The following STPG4 variants were observed in gnomAD, a reference collection of about 807,000 sequenced individuals.
STPG4 encodes sperm-tail PG-rich repeat containing 4.
A neutral mutation model predicts 31.5 loss-of-function variants in STPG4; 41 were observed. That is an observed-to-expected ratio of 1.30 (90% CI 1.01 to 1.69). The LOEUF is 1.69. Ranked by LOEUF, STPG4 falls within the 40% of genes most tolerant of loss-of-function variation. The probability of loss-of-function intolerance (pLI) is 0.00; values close to 1 mark genes in which losing one functional copy is unlikely to be tolerated. For missense variants in STPG4, 375 were observed against 293.4 expected, an observed-to-expected ratio of 1.28 and a Z score of -2.03; for synonymous variants, 141 against 103.0, an observed-to-expected ratio of 1.37 and a Z score of -2.24.
chr2:47,107,139 C>T (rs1024726003), intron 5 of STPG4, among the ~76,000 whole-genome samples: 2 of 152,180 alleles, frequency 1.3e-5, no homozygotes, highest in South Asian at 2.1e-4. Context: ...AGCTCTCTCT[C>T]GCTTTCAGCA....
chr2:47,142,717 A>C (rs1279935123), intron 3 of STPG4, among the ~76,000 whole-genome samples: 1 of 151,634 alleles, frequency 6.6e-6, no homozygotes, highest in African/African-American at 2.4e-5. Context: ...ATATATGTAC[A>C]TTTGTTTTCA....
At chr2:47,130,785 G>T (rs182959538) in intron 3 of STPG4, among the ~76,000 whole-genome samples, 1 of 152,068 alleles carries the variant, frequency 6.6e-6, no homozygotes, top group Non-Finnish European at 1.5e-5. Context: ...AAAGTACTGG[G>T]ATTACAGGCA....
chr2:47,150,847 T>G (rs1383634790), intron 3 of STPG4, among the ~76,000 whole-genome samples: 1 of 152,086 alleles, frequency 6.6e-6, no homozygotes, highest in Non-Finnish European at 1.5e-5. Context: ...AAAGCTTCCC[T>G]GTGGTATGTA....
intron 3 of STPG4, among the ~76,000 whole-genome samples, chr2:47,137,877 A>T (rs1047693851): frequency 1.3e-5 from 2 of 152,020 alleles, no homozygotes; most frequent in South Asian, 4.1e-4. Context: ...TTTCTTAGTT[A>T]GCCTAGATAG....
chr2:47,146,800 A>C (rs1443808281), intron 3 of STPG4, among the ~76,000 whole-genome samples: 1 of 151,968 alleles, frequency 6.6e-6, no homozygotes, highest in Non-Finnish European at 1.5e-5. Context: ...CTGAGAAGAA[A>C]AACCAAAAAT....
rs568027342 is a variant in STPG4, at chr2:47,151,089, T to C, written c.399+169A>G. ...AAGATGTTATAGGGAAAAATCTTACTGGAAACATTTGCAAATCAGGCAGTC... is the reference window on the plus strand; with the variant it reads ...AAGATGTTATAGGGAAAAATCTTACCGGAAACATTTGCAAATCAGGCAGTC... On this transcript the variant is annotated intron_variant, in intron 3 of 6. Coordinates refer to ENST00000445927, the MANE Select transcript of STPG4 (RefSeq NM_001163561.2). Among the ~76,000 whole-genome samples, 11 of 152,290 alleles carry C rather than the reference T, an allele frequency of 7.2e-5. No individual in the cohort carries two copies. The East Asian group carries it at 1.5e-3, about 21-fold the overall frequency.
intron 1 of STPG4, among the ~76,000 whole-genome samples, chr2:47,154,600 G>A (rs1686992908): frequency 6.6e-6 from 1 of 152,228 alleles, no homozygotes; most frequent in Admixed American, 6.5e-5. Flanking sequence ...CCATGGCGGT[G>A]CATGCCTGTA....
chr2:47,119,295 C>G (rs1055710292), intron 5 of STPG4, among the ~76,000 whole-genome samples: 1 of 152,136 alleles, frequency 6.6e-6, no homozygotes, highest in African/African-American at 2.4e-5. Context: ...TTTCAAAGGA[C>G]AGGATGTTCC....
chr2:47,101,467 G>C (rs770175241), intron 5 of STPG4, among the ~76,000 whole-genome samples: 2 of 151,608 alleles, frequency 1.3e-5, no homozygotes, highest in Admixed American at 1.3e-4. Context: ...TTGCCCCCTG[G>C]GTCCTAAGGC....
At chr2:47,121,356 C>T (rs1190513971) in intron 5 of STPG4, among the ~76,000 whole-genome samples, 1 of 152,124 alleles carries the variant, frequency 6.6e-6, no homozygotes, top group African/African-American at 2.4e-5. Flanking sequence ...AAGTGAACTT[C>T]TACACACTGA....
intron 5 of STPG4, among the ~76,000 whole-genome samples, chr2:47,119,073 C>T (rs868200132): frequency 1.3e-5 from 2 of 152,206 alleles, no homozygotes; most frequent in Non-Finnish European, 2.9e-5. Flanking sequence ...GTTCTCTCAG[C>T]AAACATTGCT....
At chr2:47,125,599 C>T (rs113665915) in intron 5 of STPG4, among the ~76,000 whole-genome samples, 24,511 of 152,130 alleles carry the variant, frequency 0.16, 2,432 homozygotes, top group African/African-American at 0.27. Context: ...ATCCCATTTA[C>T]ACATTTTTGC....
At chr2:47,130,143 G>C in intron 4 of STPG4, 53 bp downstream of exon 4, 2 of 1,529,256 alleles carry the variant, frequency 1.3e-6, no homozygotes, top group Non-Finnish European at 1.8e-6. Context: ...CAGGAGTATT[G>C]GCGTGTAGGT....
At chr2:47,129,659 G>T in intron 5 of STPG4, 1 of 314,178 alleles carries the variant, frequency 3.2e-6, no homozygotes, top group Non-Finnish European at 5.8e-6. Flanking sequence ...CCAGGGGATG[G>T]GGGAGGGTAG....
intron 5 of STPG4, among the ~76,000 whole-genome samples, chr2:47,112,531 C>A (rs1686059886): frequency 6.6e-6 from 1 of 152,098 alleles, no homozygotes; most frequent in South Asian, 2.1e-4. Flanking sequence ...TTTCACTGAT[C>A]ATGTTAAGAA....
chr2:47,088,177 T>G (rs908732499), intron 6 of STPG4, among the ~76,000 whole-genome samples: 1 of 152,122 alleles, frequency 6.6e-6, no homozygotes, highest in Non-Finnish European at 1.5e-5. Flanking sequence ...CCTCCTGGGC[T>G]TAAGCGATTC....
intron 5 of STPG4, among the ~76,000 whole-genome samples, chr2:47,111,489 G>A (rs893785810): frequency 2.6e-5 from 4 of 152,154 alleles, no homozygotes; most frequent in Admixed American, 1.3e-4. Context: ...AACTACAAAT[G>A]AAAGTTTTGC....
At chr2:47,146,393 C>G (rs997107466) in intron 3 of STPG4, among the ~76,000 whole-genome samples, 2 of 152,036 alleles carry the variant, frequency 1.3e-5, no homozygotes, top group Admixed American at 1.3e-4. Context: ...TCAGCAGTGC[C>G]AAGCTTGACA....
chr2:47,090,945 G>A (rs1685558523), intron 5 of STPG4, among the ~76,000 whole-genome samples: 1 of 152,148 alleles, frequency 6.6e-6, no homozygotes, highest in African/African-American at 2.4e-5. Context: ...TTCATGAAGA[G>A]GATATACAAA....
Sources: gnomAD v4.1 joint callset for allele counts (sites outside exome capture counted in the v4.1 genomes callset) on GRCh38, gnomAD v4.1.1 for gene constraint, MANE v1.5 for transcripts, NCBI Gene and HGNC (gene_info 2026-07-23, HGNC 2026-07-21) for gene names.